The following DTNA variants were observed in gnomAD, a reference collection of about 807,000 sequenced individuals.
DTNA encodes dystrophin-related protein 3.
Under a neutral mutation model 100.7 loss-of-function variants are expected in DTNA, and 43 were observed. That is an observed-to-expected ratio of 0.43 (90% CI 0.33 to 0.55). The LOEUF (loss-of-function observed/expected upper bound fraction) is 0.55, where lower values mean the gene tolerates loss of function less well. Among genes scored for constraint, DTNA ranks in the 20% least tolerant of loss-of-function variants. The pLI is 0.04. For synonymous variants in DTNA, 349 were observed against 347.9 expected (o/e 1.00, Z -0.04); for missense variants, 798 against 953.9 (o/e 0.84, Z 2.15).
chr18:34,683,835 T>A (rs1445905279), intron 1 of DTNA: 1 of 152,150 alleles, frequency 6.6e-6, no homozygotes, highest in African/African-American at 2.4e-5. Context: ...TTTTATAAAA[T>A]TATAATTTAA....
At chr18:34,554,742 A>G (rs1487626690) in intron 1 of DTNA, among the ~76,000 whole-genome samples, 1 of 139,426 alleles carries the variant, frequency 7.2e-6, no homozygotes, top group East Asian at 2.0e-4. Context: ...ATCATGGTGG[A>G]TAAGCTTTTT....
intron 1 of DTNA, among the ~76,000 whole-genome samples, chr18:34,718,976 A>AAGGCAATT (rs1383731738): frequency 6.6e-6 from 1 of 152,120 alleles, no homozygotes. Flanking sequence ...TAACCTATTT[A>AAGGCAATT]AGGCAATTAA....
intron 1 of DTNA, among the ~76,000 whole-genome samples, chr18:34,745,673 C>T (rs75421843): frequency 0.011 from 1,701 of 152,234 alleles, 33 homozygotes; most frequent in African/African-American, 0.038. Flanking sequence ...AGCTTCTTGC[C>T]CTGTCCCTTG....
At chr18:34,770,856 C>T (rs1195179982) in intron 3 of DTNA, among the ~76,000 whole-genome samples, 2 of 147,310 alleles carry the variant, frequency 1.4e-5, no homozygotes, top group African/African-American at 2.5e-5. Flanking sequence ...GATCTTGGCT[C>T]ACTGCAACCT....
chr18:34,601,557 T>C (rs1190632734), intron 1 of DTNA, among the ~76,000 whole-genome samples: 1 of 152,198 alleles, frequency 6.6e-6, no homozygotes, highest in Non-Finnish European at 1.5e-5. Flanking sequence ...TTCTACACTA[T>C]TGGATAATAG....
chr18:34,724,690 A>T (rs2086182643), intron 1 of DTNA, among the ~76,000 whole-genome samples: 1 of 152,198 alleles, frequency 6.6e-6, no homozygotes, highest in African/African-American at 2.4e-5. Flanking sequence ...ACACCAAGCC[A>T]TTCATGACAG....
intron 1 of DTNA, among the ~76,000 whole-genome samples, chr18:34,665,666 A>G (rs1366370351): frequency 6.6e-6 from 1 of 152,154 alleles, no homozygotes. Flanking sequence ...GAGTGAGAAC[A>G]TGCAGTGTTT....
At chr18:34,564,825 A>G (rs1240266358) in intron 1 of DTNA, among the ~76,000 whole-genome samples, 1 of 152,156 alleles carries the variant, frequency 6.6e-6, no homozygotes, top group South Asian at 2.1e-4. Flanking sequence ...CTCCATAGAC[A>G]GGGTTAATTG....
intron 16 of DTNA, among the ~76,000 whole-genome samples, chr18:34,861,156 A>T (rs1208030035): frequency 6.6e-6 from 1 of 152,134 alleles, no homozygotes; most frequent in Admixed American, 6.5e-5. Context: ...CCATATTAAA[A>T]TTTTGACAAT....
intron 1 of DTNA, among the ~76,000 whole-genome samples, chr18:34,564,793 T>G (rs2046944274): frequency 1.3e-5 from 2 of 152,190 alleles, no homozygotes; most frequent in Admixed American, 1.3e-4. Context: ...GCTGTTTCAA[T>G]TGTGTCATGA....
intron 1 of DTNA, among the ~76,000 whole-genome samples, chr18:34,712,590 C>G (rs891665493): frequency 6.6e-6 from 1 of 152,046 alleles, no homozygotes; most frequent in African/African-American, 2.4e-5. Flanking sequence ...ATGGAAGATT[C>G]TTTTATAGTT....
At chr18:34,710,274 T>C (rs911428530), upstream of DTNA, 5 of 152,190 alleles carry the variant, frequency 3.3e-5, no homozygotes, top group African/African-American at 1.2e-4. Flanking sequence ...GTGTATTAGA[T>C]TGCTGTGTGT....
At position 34,695,743 on chromosome 18, in the gene DTNA, A is replaced by G. The variant is rs138439995; in HGVS notation, c.-1-60233A>G. On this transcript the variant is annotated intron_variant, in intron 1 of 19. Coordinates refer to the DTNA transcript ENST00000283365. ...AGTTTGGGGAATGACCATGGAAACA[A>G]CAGGACCAGATCCTAATGCCTTTGA... 4.9e-4 allele frequency among the ~76,000 whole-genome samples: 74 copies of G among 152,342 alleles called. No homozygotes were observed. In the East Asian group the frequency reaches 0.013, roughly 26 times the overall value.
intron 13 of DTNA, 100 bp from the exon 14 acceptor site, chr18:34,848,196 G>A (rs1002883185): frequency 8.8e-7 from 1 of 1,132,312 alleles, no homozygotes; most frequent in Non-Finnish European, 1.3e-6. Context: ...CAAATCTTTT[G>A]CACCAAAACA....
chr18:34,595,499 T>A (rs1250861494), intron 1 of DTNA, among the ~76,000 whole-genome samples: 2 of 152,218 alleles, frequency 1.3e-5, no homozygotes, highest in Non-Finnish European at 2.9e-5. Context: ...TACTATTATA[T>A]CACTTTTATA....
intron 3 of DTNA, among the ~76,000 whole-genome samples, chr18:34,778,353 T>C (rs1439937773): frequency 6.6e-6 from 1 of 152,202 alleles, no homozygotes; most frequent in Non-Finnish European, 1.5e-5. Context: ...TTAAGTGCAA[T>C]GTAGAGTGGC....
Position 34,794,233 on chromosome 18 carries a change from G to A in DTNA, c.345G>A (p.Leu115=). The part of the protein sequence containing the change: ...EQSISLLLNF[L]LAAFDPEGHG... Reference sequence around the variant, plus strand: ...CCATCAGCCTCCTCCTTAACTTCCTGCTTGCAGCGTTTGATCCGTAAGCAC... The same window carrying A: ...CCATCAGCCTCCTCCTTAACTTCCTACTTGCAGCGTTTGATCCGTAAGCAC... Residue 115 remains leucine, a synonymous_variant, in exon 4 of 23, where the codon CTG becomes CTA. Transcript: ENST00000444659. 6.2e-7 allele frequency: 1 copy of A among 1,613,936 alleles called. No individual in the cohort carries two copies. Among genetic ancestry groups the A allele is most frequent in the Non-Finnish European group, 8.5e-7 (1 of 1,179,926 alleles).
intron 1 of DTNA, among the ~76,000 whole-genome samples, chr18:34,578,227 A>G (rs2048301051): frequency 1.3e-5 from 2 of 151,912 alleles, no homozygotes; most frequent in Admixed American, 6.6e-5. Flanking sequence ...AATCATCAGT[A>G]ATGTTGAGCA....
chr18:34,719,503 A>G (rs1158183314), intron 1 of DTNA, among the ~76,000 whole-genome samples: 1 of 152,156 alleles, frequency 6.6e-6, no homozygotes, highest in Non-Finnish European at 1.5e-5. Context: ...TTAATCAGAG[A>G]GAGCTCTATT....
Sources: allele counts gnomAD v4.1 joint callset (sites outside exome capture counted in the v4.1 genomes callset), GRCh38; gene constraint gnomAD v4.1.1; transcripts MANE v1.5; gene names NCBI Gene and HGNC (gene_info 2026-07-23, HGNC 2026-07-21).